The following NELL2 variants were observed in gnomAD, a reference collection of about 807,000 sequenced individuals.
NELL2 encodes protein kinase C-binding protein NELL2.
A neutral mutation model predicts 109.6 loss-of-function variants in NELL2; 41 were observed. The observed-to-expected ratio is 0.37, with a 90% confidence interval of 0.29 to 0.49. NELL2 has a LOEUF of 0.49. NELL2 is among the 20% of genes least tolerant of loss of function. The pLI, the probability that NELL2 is intolerant of heterozygous loss-of-function variation, is 0.98. For synonymous variants in NELL2, 355 were observed against 344.7 expected, an observed-to-expected ratio of 1.03 and a Z score of -0.33; for missense variants, 900 against 1,008.3, an observed-to-expected ratio of 0.89 and a Z score of 1.45.
intron 10 of NELL2, among the ~76,000 whole-genome samples, chr12:44,711,689 C>T (rs1938211892): frequency 1.3e-5 from 2 of 151,946 alleles, no homozygotes; most frequent in South Asian, 2.1e-4. Flanking sequence ...TTTTACAACA[C>T]ATTTTGCAAG....
intron 8 of NELL2, 71 bp from the exon 9 acceptor site, chr12:44,774,920 T>C: frequency 1.7e-6 from 2 of 1,181,238 alleles, no homozygotes; most frequent in Non-Finnish European, 2.5e-6. Context: ...TTTGAATTCA[T>C]TCCTTAAATT....
intron 9 of NELL2, among the ~76,000 whole-genome samples, chr12:44,716,319 C>T (rs1482269130): frequency 2.0e-5 from 3 of 152,154 alleles, no homozygotes; most frequent in Admixed American, 2.0e-4. Flanking sequence ...CTACATAATG[C>T]ATATCTCCTA....
intron 13 of NELL2, among the ~76,000 whole-genome samples, chr12:44,625,636 A>T (rs1016220294): frequency 2.6e-5 from 4 of 152,096 alleles, no homozygotes; most frequent in African/African-American, 9.7e-5. Context: ...GGAGAAAAAA[A>T]ATCCATCTAG....
At chr12:44,906,066 G>T (rs754370450) in intron 1 of NELL2, among the ~76,000 whole-genome samples, 2 of 151,974 alleles carry the variant, frequency 1.3e-5, no homozygotes, top group Non-Finnish European at 2.9e-5. Context: ...TTTAAAATAG[G>T]GTGTTTAGTA....
At chr12:44,882,437 G>A (rs901557266) in intron 1 of NELL2, among the ~76,000 whole-genome samples, 3 of 148,832 alleles carry the variant, frequency 2.0e-5, no homozygotes, top group Non-Finnish European at 1.5e-5. Context: ...ACATACATAC[G>A]TGTATATATG....
chr12:44,554,391 T>C (rs1423898523), intron 15 of NELL2, among the ~76,000 whole-genome samples: 1 of 152,100 alleles, frequency 6.6e-6, no homozygotes, highest in Non-Finnish European at 1.5e-5. Flanking sequence ...ACATAAATGC[T>C]AGGAAATGCA....
intron 3 of NELL2, among the ~76,000 whole-genome samples, chr12:44,801,770 C>A (rs1942836746): frequency 6.6e-6 from 1 of 152,126 alleles, no homozygotes; most frequent in Admixed American, 6.6e-5. Flanking sequence ...CACTTCCATG[C>A]ACCTAAGAAG....
chr12:44,873,136 T>A (rs532654978), intron 2 of NELL2, among the ~76,000 whole-genome samples: 2 of 152,282 alleles, frequency 1.3e-5, no homozygotes, highest in African/African-American at 4.8e-5. Context: ...ATGCAGGAAA[T>A]ACTTGCTGAT....
chr12:44,759,299 C>T (rs550802057), intron 9 of NELL2, among the ~76,000 whole-genome samples: 1 of 152,138 alleles, frequency 6.6e-6, no homozygotes, highest in East Asian at 1.9e-4. Context: ...TCTCCATCAC[C>T]TGTACTGGCC....
chr12:44,806,820 T>C (rs1943016899), intron 3 of NELL2, among the ~76,000 whole-genome samples: 1 of 151,668 alleles, frequency 6.6e-6, no homozygotes, highest in African/African-American at 2.4e-5. Flanking sequence ...GGTACAAAAA[T>C]AGACTAATGA....
At chr12:44,863,417 C>A (rs1364428742) in intron 2 of NELL2, among the ~76,000 whole-genome samples, 2 of 151,830 alleles carry the variant, frequency 1.3e-5, no homozygotes, top group African/African-American at 4.8e-5. Flanking sequence ...GTAAAAGAAC[C>A]AAATCACATA....
intron 3 of NELL2, among the ~76,000 whole-genome samples, chr12:44,784,122 G>C (rs1017469688): frequency 5.9e-5 from 9 of 152,008 alleles, no homozygotes; most frequent in Non-Finnish European, 1.3e-4. Flanking sequence ...ACCAATTAAA[G>C]ATGAAACTCT....
intron 12 of NELL2, among the ~76,000 whole-genome samples, chr12:44,670,021 A>G (rs146209058): frequency 7.9e-5 from 12 of 152,302 alleles, no homozygotes; most frequent in African/African-American, 2.9e-4. Context: ...AAGAATCCCT[A>G]TCAGACTACC....
At chr12:44,567,989 A>G (rs1943724161) in intron 15 of NELL2, among the ~76,000 whole-genome samples, 1 of 152,176 alleles carries the variant, frequency 6.6e-6, no homozygotes, top group South Asian at 2.1e-4. Flanking sequence ...GACACAACCT[A>G]TAAAATCACA....
intron 9 of NELL2, among the ~76,000 whole-genome samples, chr12:44,745,106 T>A (rs1008921037): frequency 3.9e-5 from 6 of 152,186 alleles, no homozygotes; most frequent in African/African-American, 1.4e-4. Flanking sequence ...TTATCCACCA[T>A]AATCGAGTGG....
At chr12:44,875,073 T>C in intron 2 of NELL2, 152 bp downstream of exon 2, 1 of 1,010,854 alleles carries the variant, frequency 9.9e-7, no homozygotes, top group Non-Finnish European at 1.4e-6. Context: ...TTAAAAGAGA[T>C]AGGGATATGT....
At chr12:44,844,437 A>C (rs1425700775) in intron 2 of NELL2, among the ~76,000 whole-genome samples, 1 of 152,220 alleles carries the variant, frequency 6.6e-6, no homozygotes, top group Non-Finnish European at 1.5e-5. Flanking sequence ...ATCTAGATAC[A>C]AAAAAACTAC....
intron 3 of NELL2, among the ~76,000 whole-genome samples, chr12:44,791,505 A>G (rs989289041): frequency 6.6e-6 from 1 of 151,796 alleles, no homozygotes; most frequent in African/African-American, 2.4e-5. Context: ...AGCTCCTGCA[A>G]TAATTCATAG....
At chr12:44,519,910 A>C (rs1592059615) in intron 19 of NELL2, 95 bp downstream of exon 19, 5 of 1,124,260 alleles carry the variant, frequency 4.4e-6, no homozygotes, top group African/African-American at 1.6e-5. Context: ...AAAAAAAAAA[A>C]AAACCTTCCT....
Sources: gnomAD v4.1 joint callset for allele counts (sites outside exome capture counted in the v4.1 genomes callset) on GRCh38, gnomAD v4.1.1 for gene constraint, MANE v1.5 for transcripts, NCBI Gene and HGNC (gene_info 2026-07-23, HGNC 2026-07-21) for gene names.